CEP164: variants seen among roughly 807,000 people sequenced by gnomAD.
CEP164 encodes centrosomal protein of 164 kDa.
CEP164 carries 162 observed loss-of-function variants against 182.7 expected under a neutral mutation model. The observed-to-expected ratio is 0.89, with a 90% CI of 0.78 to 1.01. The LOEUF is 1.01. Ranked by LOEUF, CEP164 falls within the 50% of genes least tolerant of loss-of-function variation. The probability of loss-of-function intolerance (pLI) is 0.00; values close to 1 mark genes in which losing one functional copy is unlikely to be tolerated. For synonymous variants in CEP164, 661 were observed against 690.0 expected (o/e 0.96, Z 0.66); for missense variants, 1,735 against 1,790.4 (o/e 0.97, Z 0.56).
upstream of CEP164, among the ~76,000 whole-genome samples, chr11:117,326,674 T>C (rs1254624311): frequency 6.6e-6 from 1 of 152,202 alleles, no homozygotes; most frequent in East Asian, 1.9e-4. Context: ...TATTTTGATT[T>C]TGATAATTTT....
rs748626398 is a variant in CEP164 at position 117,394,946 on chromosome 11, G to A, written c.2787G>A (p.Leu929=). The change falls in exon 22 of 33, where the codon TTG becomes TTA. Residue 929 remains leucine, a synonymous_variant. Transcript: ENST00000278935. This position sits in a 1 kb window ranked among gnomAD's most constrained non-coding sequence, Gnocchi z 4.0. ...AAAGGAAGCTCCAGGATTTAGAGTT[G>A]GACCTTGAAACCAGAGCTAAAGATG... ...EQERKLQDLE[L]DLETRAKDVK... is the part of the protein sequence containing the mutation. The A allele has an allele frequency of 6.2e-7, 1 of 1,614,100 alleles. No homozygotes were observed. Among genetic ancestry groups the A allele is most frequent in the Non-Finnish European group, 8.5e-7 (1 of 1,180,028 alleles).
chr11:117,363,363 C>CA (rs1262851736), intron 7 of CEP164, 66 bp from the exon 8 acceptor site: 1 of 1,213,102 alleles, frequency 8.2e-7, no homozygotes, highest in African/African-American at 1.5e-5. Context: ...TTTCCCTCTG[C>CA]ACACCCCTCA....
chr11:117,404,761 C>T lies in CEP164; in HGVS notation c.3502-3164C>T, dbSNP rs560759597. Among the ~76,000 whole-genome samples, 21 of 152,336 alleles carry T rather than the reference C, an allele frequency of 1.4e-4. 1 individual carries two copies. In the South Asian group the frequency reaches 4.3e-3, roughly 32 times the overall value. On this transcript the variant is annotated intron_variant, in intron 27 of 32. Transcript: ENST00000278935. ...GCTGAAGGTGCGCCCACAGCTGCCCCTTCCCCCAGGTGCTCTGTCCCAGGG... is the reference window on the plus strand; with the variant it reads ...GCTGAAGGTGCGCCCACAGCTGCCCTTTCCCCCAGGTGCTCTGTCCCAGGG...
At chr11:117,347,680 A>G (rs1229642938) in intron 4 of CEP164, among the ~76,000 whole-genome samples, 3 of 151,490 alleles carry the variant, frequency 2.0e-5, no homozygotes, top group Non-Finnish European at 4.4e-5. Context: ...ATTGCACTCC[A>G]GCCTGGGCAG....
intron 2 of CEP164, among the ~76,000 whole-genome samples, chr11:117,335,903 C>G (rs541151092): frequency 6.6e-6 from 1 of 152,144 alleles, no homozygotes; most frequent in South Asian, 2.1e-4. Context: ...AAAAAAAAAT[C>G]ACATTTTACA....
Position 117,336,306 on chromosome 11 carries a change from C to T in CEP164, c.-22+626C>T, listed in dbSNP as rs1021194041. 2.4e-4 allele frequency: 358 copies of T among 1,517,966 alleles called. 1 individual carries two copies. Among genetic ancestry groups the T allele is most frequent in the Admixed American group, 5.0e-5 (3 of 59,570 alleles). 94.0% of individuals were successfully genotyped at this position (1,517,966 alleles called of 1,614,324 possible). A position where few individuals can be genotyped will look rare whatever the true frequency, so the allele number is the denominator to read the frequency against. On this transcript the variant is annotated intron_variant, in intron 2 of 32. Coordinates refer to ENST00000278935, the MANE Select transcript of CEP164 (RefSeq NM_014956.5). Reference sequence around the variant, plus strand: ...TATGAGCTTTCTTCATTTTATTCTGCATCTTCTTGTCCGCTGTCACTGCTG... The same window carrying T: ...TATGAGCTTTCTTCATTTTATTCTGTATCTTCTTGTCCGCTGTCACTGCTG...
chr11:117,383,475 G>A (rs1185743856), intron 14 of CEP164, among the ~76,000 whole-genome samples: 1 of 152,118 alleles, frequency 6.6e-6, no homozygotes, highest in East Asian at 1.9e-4. Flanking sequence ...TCTGGCCAAA[G>A]GGTCATTTTT....
chr11:117,338,358 C>A (rs1012034973), intron 2 of CEP164, among the ~76,000 whole-genome samples: 2 of 152,204 alleles, frequency 1.3e-5, no homozygotes, highest in African/African-American at 4.8e-5. Flanking sequence ...GTTCATCAAG[C>A]CTTTGGGAGA....
chr11:117,339,515 G>GTTTTTTTTTTTTTTTTTTTTTT (rs1199425322), intron 3 of CEP164, among the ~76,000 whole-genome samples: 3 of 90,870 alleles, frequency 3.3e-5, no homozygotes, highest in African/African-American at 4.2e-5. Context: ...CTTTTCCTTT[G>GTTTTTTTTTTTTTTTTTTTTTT]TTTTTTGTTT....
intron 19 of CEP164, 59 bp from the exon 20 acceptor site, chr11:117,392,945 G>T: frequency 6.2e-7 from 1 of 1,605,444 alleles, no homozygotes; most frequent in Non-Finnish European, 8.5e-7. Context: ...GGTGCAGCAG[G>T]CCCTGAGTGC....
intron 5 of CEP164, chr11:117,355,659 G>T (rs1425961486): frequency 5.0e-6 from 6 of 1,190,966 alleles, no homozygotes; most frequent in East Asian, 1.2e-4. Flanking sequence ...AGCTGGCAGG[G>T]AGTTCCTGGG....
chr11:117,381,350 C>T (rs543819861), intron 12 of CEP164, among the ~76,000 whole-genome samples: 4 of 152,280 alleles, frequency 2.6e-5, no homozygotes, highest in African/African-American at 9.6e-5. Flanking sequence ...CTCTTTTTCT[C>T]CCCACTTAGT....
chr11:117,387,472 G>A (rs1339337288), intron 15 of CEP164, 60 bp downstream of exon 15: 4 of 1,545,094 alleles, frequency 2.6e-6, no homozygotes, highest in Non-Finnish European at 3.5e-6. Context: ...AGGAGCCAGG[G>A]ACACCCTCTT....
At chr11:117,408,155 G>A in intron 28 of CEP164, 123 bp downstream of exon 28, 1 of 637,070 alleles carries the variant, frequency 1.6e-6, no homozygotes. Context: ...GGATTGGGCA[G>A]TAGGCTTGTC....
chr11:117,355,878 A>G, intron 5 of CEP164: 1 of 1,046,708 alleles, frequency 9.6e-7, no homozygotes, highest in Non-Finnish European at 1.2e-6. Flanking sequence ...GAACCAGCTC[A>G]GAATCCCCTT....
chr11:117,381,829 A>C lies in CEP164; in HGVS notation c.1538A>C (p.Asp513Ala). The stretch of plus-strand genomic sequence containing the variant: ...AAGGAGGCAGAGGAGCTTGGGGAGG[A>C]CTCTGCAGCCAGCCTCAGCCTGCAG... ...EWKEAEELGE[D>A]SAASLSLQLS... The change falls in exon 13 of 33, where the codon GAC (aspartate) becomes GCC (alanine). Residue 513 changes from aspartate (D) to alanine (A), a missense_variant. Physicochemically the swap from Asp to Ala is moderately radical, Grantham distance 126. Transcript: ENST00000278935. 6.5e-7 allele frequency: 1 copy of C among 1,537,130 alleles called. No individual in the cohort carries two copies.
At chr11:117,381,617 A>G (rs962323096) in intron 12 of CEP164, 84 bp from the exon 13 acceptor site, 1 of 1,442,032 alleles carries the variant, frequency 6.9e-7, no homozygotes, top group African/African-American at 1.4e-5. Flanking sequence ...GCAATGACCT[A>G]GGTCCACACA....
intron 14 of CEP164, 22 bp downstream of exon 14, chr11:117,382,964 C>G: frequency 4.4e-6 from 7 of 1,607,964 alleles, no homozygotes; most frequent in Middle Eastern, 2.0e-4. Flanking sequence ...TTTTGTGTGT[C>G]TGTCCCTGAC....
chr11:117,326,481 C>A (rs1756040817), upstream of CEP164, among the ~76,000 whole-genome samples: 1 of 152,106 alleles, frequency 6.6e-6, no homozygotes, highest in Non-Finnish European at 1.5e-5. Context: ...GATCCACCCG[C>A]CTTGGCCTCC....
Sources: gnomAD v4.1 joint callset for allele counts (sites outside exome capture counted in the v4.1 genomes callset) on GRCh38, gnomAD v4.1.1 for gene constraint, Gnocchi (gnomAD v3.1) non-coding constraint, MANE v1.5 for transcripts, NCBI Gene and HGNC (gene_info 2026-07-23, HGNC 2026-07-21) for gene names.